RPGRIP1: variants seen among roughly 807,000 people sequenced by gnomAD.
RPGRIP1 encodes X-linked retinitis pigmentosa GTPase regulator-interacting protein 1.
Under a neutral mutation model 157.9 loss-of-function variants are expected in RPGRIP1, and 128 were observed. The observed-to-expected ratio is 0.81, with a 90% confidence interval of 0.70 to 0.94. The LOEUF (loss-of-function observed/expected upper bound fraction) is 0.94, where lower values mean the gene tolerates loss of function less well. Ranked by LOEUF, RPGRIP1 falls within the 40% of genes least tolerant of loss-of-function variation. The pLI is 0.00. For synonymous variants in RPGRIP1, 554 were observed against 571.6 expected, an observed-to-expected ratio of 0.97 and a Z score of 0.44; for missense variants, 1,486 against 1,545.8, an observed-to-expected ratio of 0.96 and a Z score of 0.65.
chr14:21,319,398 C>G (rs1464992457), intron 11 of RPGRIP1, among the ~76,000 whole-genome samples: 1 of 152,122 alleles, frequency 6.6e-6, no homozygotes, highest in Non-Finnish European at 1.5e-5. Context: ...CCCATCTTTA[C>G]TAAAAACACG....
intron 7 of RPGRIP1, among the ~76,000 whole-genome samples, chr14:21,308,343 G>C (rs915135446): frequency 6.6e-6 from 1 of 152,108 alleles, no homozygotes; most frequent in Non-Finnish European, 1.5e-5. Flanking sequence ...GAGTATCAAG[G>C]GTCAAAGTAA....
intron 1 of RPGRIP1, among the ~76,000 whole-genome samples, chr14:21,286,699 G>A (rs1223147666): frequency 6.6e-6 from 1 of 151,996 alleles, no homozygotes; most frequent in Non-Finnish European, 1.5e-5. Flanking sequence ...GGAGGCTGAG[G>A]CAGGAGAATT....
chr14:21,282,735 CA>C (rs1431817186), intron 1 of RPGRIP1, among the ~76,000 whole-genome samples: 1 of 151,268 alleles, frequency 6.6e-6, no homozygotes, highest in Non-Finnish European at 1.5e-5. Context: ...TCAGCCTCCC[CA>C]GTAGCTGGGA....
chr14:21,334,588 A>C lies in RPGRIP1; in HGVS notation c.3239-17A>C, dbSNP rs1777618184. On this transcript the variant is annotated splice_polypyrimidine_tract_variant and intron_variant, in intron 20 of 24. Coordinates refer to ENST00000400017, the MANE Select transcript of RPGRIP1 (RefSeq NM_020366.4). ...TGCTTTGAAACAGTTCTATAACTGC[A>C]ACCTCTTCTCTAGCAGACAAAGAAT... is the stretch of plus-strand genomic sequence containing the variant. 1 of 1,572,774 alleles carries C rather than the reference A, an allele frequency of 6.4e-7. No homozygotes were observed. The highest frequency in any genetic ancestry group is 8.7e-7 in the Non-Finnish European group (1 of 1,152,732).
rs1594291655 is a variant in RPGRIP1, at chr14:21,351,008, A to G, written c.3749-96A>G. 3 of 653,444 alleles carry G rather than the reference A, an allele frequency of 4.6e-6. No individual in the cohort carries two copies. The Admixed American group carries it at 8.7e-5, about 19-fold the overall frequency. The allele number at this position is 653,444 out of a possible 1,614,324, so 40.5% of individuals were successfully genotyped here. ...ATTGAGTCCTCTTATGAAATGGGTA[A>G]TTTCATTCATTTAGCATCCCCAGTA... On this transcript the variant is annotated intron_variant, in intron 24 of 24. Transcript: ENST00000400017.
intron 8 of RPGRIP1, among the ~76,000 whole-genome samples, chr14:21,311,139 C>G (rs1027855118): frequency 6.6e-6 from 1 of 152,190 alleles, no homozygotes; most frequent in African/African-American, 2.4e-5. Flanking sequence ...TAACATGTCA[C>G]TTGTCTAGGT....
chr14:21,286,587 G>A (rs960920433), intron 1 of RPGRIP1, among the ~76,000 whole-genome samples: 6 of 151,698 alleles, frequency 4.0e-5, no homozygotes, highest in African/African-American at 1.5e-4. Context: ...CTGAGGCCAG[G>A]AGTTCAAGAC....
intron 3 of RPGRIP1, among the ~76,000 whole-genome samples, chr14:21,299,600 G>A (rs1254547964): frequency 6.6e-6 from 1 of 152,082 alleles, no homozygotes; most frequent in Non-Finnish European, 1.5e-5. Context: ...TTATATATAA[G>A]CTTATTAATC....
chr14:21,319,265 G>A (rs1350914613), intron 11 of RPGRIP1, among the ~76,000 whole-genome samples: 1 of 151,998 alleles, frequency 6.6e-6, no homozygotes, highest in Non-Finnish European at 1.5e-5. Flanking sequence ...TTTATTCCCT[G>A]AAAAACACAC....
At chr14:21,336,131 T>A in intron 21 of RPGRIP1, among the ~76,000 whole-genome samples, 1 of 152,204 alleles carries the variant, frequency 6.6e-6, no homozygotes. Flanking sequence ...GTTGGAAAAC[T>A]CTTCCTTGAA....
At chr14:21,335,817 G>C (rs1022500978) in intron 21 of RPGRIP1, among the ~76,000 whole-genome samples, 1 of 147,804 alleles carries the variant, frequency 6.8e-6, no homozygotes, top group Non-Finnish European at 1.5e-5. Flanking sequence ...AAAAAAAAGA[G>C]ACACACATAT....
intron 21 of RPGRIP1, among the ~76,000 whole-genome samples, chr14:21,339,523 T>C (rs1424622822): frequency 1.3e-5 from 2 of 152,234 alleles, no homozygotes; most frequent in Non-Finnish European, 2.9e-5. Flanking sequence ...CTCTTTTTTC[T>C]TCTTTTTTGG....
intron 10 of RPGRIP1, among the ~76,000 whole-genome samples, chr14:21,315,974 G>GTTTT (rs35698876): frequency 3.4e-4 from 37 of 107,388 alleles, no homozygotes; most frequent in African/African-American, 5.4e-4. Flanking sequence ...AATTTTTGTG[G>GTTTT]TTTTTTTTTT....
intron 11 of RPGRIP1, among the ~76,000 whole-genome samples, chr14:21,318,728 G>A (rs1161718314): frequency 6.6e-6 from 1 of 152,128 alleles, no homozygotes; most frequent in African/African-American, 2.4e-5. Flanking sequence ...ACCCGCCTCA[G>A]CCTCCCAAAG....
chr14:21,297,101 GTTTTGTTTTT>G (rs1880816689), intron 3 of RPGRIP1, among the ~76,000 whole-genome samples: 1 of 151,912 alleles, frequency 6.6e-6, no homozygotes, highest in Non-Finnish European at 1.5e-5. Flanking sequence ...GTTTTGTTTT[GTTTTGTTTTT>G]GAGACAGAGT....
intron 20 of RPGRIP1, 44 bp downstream of exon 20, chr14:21,330,431 G>A (rs972819913): frequency 4.5e-6 from 6 of 1,324,568 alleles, no homozygotes; most frequent in Non-Finnish European, 2.9e-6. Context: ...CACTTTGGGA[G>A]GCCGAGGTGG....
chr14:21,283,746 C>T (rs1227841941), intron 1 of RPGRIP1, among the ~76,000 whole-genome samples: 3 of 152,002 alleles, frequency 2.0e-5, no homozygotes. Context: ...CAATCTCCAC[C>T]TGCCGGGTTG....
intron 21 of RPGRIP1, among the ~76,000 whole-genome samples, chr14:21,339,838 A>G (rs572750475): frequency 1.3e-5 from 2 of 152,338 alleles, no homozygotes; most frequent in East Asian, 3.9e-4. Flanking sequence ...AAAATGGTGG[A>G]TAAGACAGAC....
At chr14:21,313,167 A>C (rs1052940033) in intron 10 of RPGRIP1, among the ~76,000 whole-genome samples, 3 of 151,898 alleles carry the variant, frequency 2.0e-5, no homozygotes, top group Non-Finnish European at 4.4e-5. Context: ...GGGGGAATCA[A>C]AATGAAAAAA....
Sources: allele counts gnomAD v4.1 joint callset (sites outside exome capture counted in the v4.1 genomes callset), GRCh38; gene constraint gnomAD v4.1.1; transcripts MANE v1.5; gene names NCBI Gene and HGNC (gene_info 2026-07-23, HGNC 2026-07-21).